Variants in RIMBP2 observed in about 807,000 individuals in gnomAD.
RIMBP2 encodes the protein RIMS binding protein 2.
A neutral mutation model predicts 118.6 loss-of-function variants in RIMBP2; 48 were observed. The ratio of observed to expected loss-of-function variants is 0.40; its 90% confidence interval spans 0.32 to 0.51. RIMBP2 has a LOEUF of 0.51. Among genes scored for constraint, RIMBP2 ranks in the 20% least tolerant of loss-of-function variants. The pLI, the probability that RIMBP2 is intolerant of heterozygous loss-of-function variation, is 0.41. For missense variants in RIMBP2, 1,551 were observed against 1,768.3 expected, an observed-to-expected ratio of 0.88 and a Z score of 2.20; for synonymous variants, 762 against 742.9, an observed-to-expected ratio of 1.03 and a Z score of -0.42.
At chr12:130,687,647 A>C (rs558745805) in intron 1 of RIMBP2, among the ~76,000 whole-genome samples, 1 of 152,338 alleles carries the variant, frequency 6.6e-6, no homozygotes, top group African/African-American at 2.4e-5. Flanking sequence ...CAGAATGGAA[A>C]ATCATTTAGG....
In RIMBP2 at chr12:130,434,450, G is replaced by A. The variant is rs568957206; in HGVS notation, c.2253+284C>T. Among the ~76,000 whole-genome samples, 9 of 152,254 alleles carry A rather than the reference G, an allele frequency of 5.9e-5. No homozygotes were observed. Among genetic ancestry groups the A allele is most frequent in the East Asian group, 3.9e-4 (2 of 5,176 alleles). Reference sequence around the variant, plus strand: ...GCCTGAACTGAGCCTAACCCTACCCGGACCTGCAAAACCACCCCTATGACC... The same window carrying A: ...GCCTGAACTGAGCCTAACCCTACCCAGACCTGCAAAACCACCCCTATGACC... On this transcript the variant is annotated intron_variant, in intron 14 of 22. Coordinates refer to ENST00000690449, the MANE Select transcript of RIMBP2 (RefSeq NM_001393629.1). The surrounding 1 kb of genome is among the most constrained non-coding windows in gnomAD (Gnocchi z 5.7).
In RIMBP2 at chr12:130,475,424, C is replaced by T. The variant is rs1243085137; in HGVS notation, c.102+3488G>A. ...CACCAAGGAATCTCTAAGTACTGCA[C>T]AATGTGGCACAATCCACCTGTATTT... On this transcript the variant is annotated intron_variant, in intron 5 of 22. Transcript: ENST00000690449. The surrounding 1 kb of genome is among the most constrained non-coding windows in gnomAD (Gnocchi z 4.1). Among the ~76,000 whole-genome samples the T allele has an allele frequency of 1.3e-5, 2 of 152,164 alleles. No individual in the cohort carries two copies. Among genetic ancestry groups the T allele is most frequent in the Non-Finnish European group, 2.9e-5 (2 of 68,040 alleles).
At position 130,541,517 on chromosome 12, in the gene RIMBP2, C is replaced by T. The variant is rs1285525131; in HGVS notation, c.-216-23600G>A. Among the ~76,000 whole-genome samples, 3 of 152,232 alleles carry T rather than the reference C, an allele frequency of 2.0e-5. No homozygotes were observed. The East Asian group carries it at 5.8e-4, about 29-fold the overall frequency. On this transcript the variant is annotated intron_variant, in intron 2 of 22. Coordinates refer to ENST00000690449, the MANE Select transcript of RIMBP2 (RefSeq NM_001393629.1). ...TGCAAATGCTGAAAACACAGCTGTA[C>T]TCACTGGGCCTAAGAAAGTGACTTC...
At chr12:130,507,282 G>A (rs2050460319) in intron 3 of RIMBP2, among the ~76,000 whole-genome samples, 1 of 152,210 alleles carries the variant, frequency 6.6e-6, no homozygotes, top group South Asian at 2.1e-4. Context: ...GAGATGCAGA[G>A]GGAAAAGCAG....
intron 2 of RIMBP2, among the ~76,000 whole-genome samples, chr12:130,583,555 G>A (rs753200746): frequency 2.3e-5 from 3 of 127,760 alleles, no homozygotes; most frequent in Admixed American, 8.6e-5. Flanking sequence ...TCATCACCAC[G>A]ACCATCACCA....
chr12:130,622,306 C>G lies in RIMBP2; in HGVS notation c.-217+6016G>C, dbSNP rs182628827. 7.0e-4 allele frequency among the ~76,000 whole-genome samples: 106 copies of G among 152,244 alleles called. No homozygotes were observed. Among genetic ancestry groups the G allele is most frequent in the African/African-American group, 2.4e-3 (101 of 41,548 alleles). On this transcript the variant is annotated intron_variant, in intron 2 of 22. Transcript: ENST00000690449. The surrounding 1 kb of genome is among the most constrained non-coding windows in gnomAD (Gnocchi z 8.5). ...CCCCAAACATCACAAGTTTTGCCAT[C>G]TCTGTGCCCACTGTTAACTGACCCT...
At chr12:130,672,728 GC>G (rs2136461471) in intron 1 of RIMBP2, among the ~76,000 whole-genome samples, 1 of 152,294 alleles carries the variant, frequency 6.6e-6, no homozygotes, top group South Asian at 2.1e-4. Flanking sequence ...CAAGCTGATT[GC>G]AGCCGCTCAG....
intron 2 of RIMBP2, among the ~76,000 whole-genome samples, chr12:130,601,160 TTC>T (rs923795299): frequency 6.6e-6 from 1 of 152,026 alleles, no homozygotes; most frequent in African/African-American, 2.4e-5. Context: ...ACAAGGCTCA[TTC>T]TCTGTGTGAT....
intron 2 of RIMBP2, among the ~76,000 whole-genome samples, chr12:130,573,225 ATAT>A (rs1593856125): frequency 2.6e-5 from 4 of 151,664 alleles, no homozygotes; most frequent in Admixed American, 6.6e-5. Flanking sequence ...TACTTCATGT[ATAT>A]TATATTTTTA....
chr12:130,579,304 G>A (rs1040765060), intron 2 of RIMBP2, among the ~76,000 whole-genome samples: 15 of 152,148 alleles, frequency 9.9e-5, no homozygotes, highest in African/African-American at 3.1e-4. Flanking sequence ...CCTTATGAGA[G>A]CCTGGAATTT....
chr12:130,677,730 C>CA (rs2064561956), intron 1 of RIMBP2, among the ~76,000 whole-genome samples: 1 of 152,210 alleles, frequency 6.6e-6, no homozygotes, highest in South Asian at 2.1e-4. Context: ...AACTGTCCAT[C>CA]AGGGCCCCAC....
intron 4 of RIMBP2, among the ~76,000 whole-genome samples, chr12:130,495,435 A>AC (rs35512995): frequency 0.5 from 75,446 of 151,900 alleles, 19,651 homozygotes; most frequent in East Asian, 0.93. Flanking sequence ...CTGAAGTGTC[A>AC]CCCCCTAACA....
intron 2 of RIMBP2, among the ~76,000 whole-genome samples, chr12:130,604,804 G>A (rs1339544186): frequency 5.1e-5 from 7 of 136,656 alleles, no homozygotes; most frequent in Admixed American, 3.1e-4. Flanking sequence ...GGATGGTCTT[G>A]ATCTCCTGAC....
intron 1 of RIMBP2, among the ~76,000 whole-genome samples, chr12:130,676,112 T>C (rs2064450568): frequency 6.6e-6 from 1 of 152,242 alleles, no homozygotes; most frequent in African/African-American, 2.4e-5. Context: ...GTCTTGATTC[T>C]GGGCTTCCCA....
Position 130,523,016 on chromosome 12 carries a change from G to T in RIMBP2, c.-216-5099C>A, listed in dbSNP as rs907381129. Among the ~76,000 whole-genome samples, 1 of 151,808 alleles carries T rather than the reference G, an allele frequency of 6.6e-6. No homozygotes were observed. Among genetic ancestry groups the T allele is most frequent in the Non-Finnish European group, 1.5e-5 (1 of 67,960 alleles). On this transcript the variant is annotated intron_variant, in intron 2 of 22. Transcript: ENST00000690449. This position sits in a 1 kb window ranked among gnomAD's most constrained non-coding sequence, Gnocchi z 4.4. The stretch of plus-strand genomic sequence containing the variant: ...TTTTAGTTTTTCTTTCTGCCTCTAT[G>T]TCTATCTCTCTGTTCATTTTTCTGG...
Position 130,525,042 on chromosome 12 carries a change from C to T in RIMBP2, c.-216-7125G>A, listed in dbSNP as rs2052627031. 6.6e-6 allele frequency among the ~76,000 whole-genome samples: 1 copy of T among 152,126 alleles called. No homozygotes were observed. Among genetic ancestry groups the T allele is most frequent in the Non-Finnish European group, 1.5e-5 (1 of 68,032 alleles). On this transcript the variant is annotated intron_variant, in intron 2 of 22. Transcript: ENST00000690449. The surrounding 1 kb of genome is among the most constrained non-coding windows in gnomAD (Gnocchi z 4.4). ...TCAGGAAGGAGAGCCTGACCCAGACCCAGATGTGAAAGTTGCACTGATACC... is the reference window on the plus strand; with the variant it reads ...TCAGGAAGGAGAGCCTGACCCAGACTCAGATGTGAAAGTTGCACTGATACC...
intron 1 of RIMBP2, among the ~76,000 whole-genome samples, chr12:130,714,595 G>T (rs1430959680): frequency 6.6e-6 from 1 of 152,240 alleles, no homozygotes; most frequent in Non-Finnish European, 1.5e-5. Flanking sequence ...AATAGCCGCT[G>T]CCAGCGCCTT....
intron 2 of RIMBP2, among the ~76,000 whole-genome samples, chr12:130,521,407 CAGG>C (rs1260571441): frequency 6.6e-6 from 1 of 152,178 alleles, no homozygotes; most frequent in Non-Finnish European, 1.5e-5. Context: ...TGACAGTTCC[CAGG>C]AGGAGGAAGA....
intron 11 of RIMBP2, among the ~76,000 whole-genome samples, chr12:130,440,157 C>T (rs1195650365): frequency 8.9e-6 from 1 of 112,234 alleles, no homozygotes; most frequent in Non-Finnish European, 1.9e-5. Context: ...CATGGCTAAC[C>T]CTGGCCGTAC....
Sources: allele counts gnomAD v4.1 joint callset (sites outside exome capture counted in the v4.1 genomes callset), GRCh38; gene constraint gnomAD v4.1.1; non-coding constraint Gnocchi (gnomAD v3.1); transcripts MANE v1.5; gene names NCBI Gene and HGNC (gene_info 2026-07-23, HGNC 2026-07-21).